CEP85L: variants seen among roughly 807,000 people sequenced by gnomAD.
CEP85L encodes the protein centrosomal protein of 85 kDa-like.
In CEP85L, 60 loss-of-function variants were observed where a neutral mutation model predicts 100.3. The ratio of observed to expected loss-of-function variants is 0.60; its 90% CI spans 0.49 to 0.74. The LOEUF (loss-of-function observed/expected upper bound fraction) is 0.74. Ranked by LOEUF, CEP85L falls within the 30% of genes least tolerant of loss-of-function variation. The pLI is 0.00. For missense variants in CEP85L, 973 were observed against 936.2 expected (o/e 1.04, Z -0.51); for synonymous variants, 319 against 322.7 (o/e 0.99, Z 0.12).
chr6:118,680,749 C>G (rs1776632056), intron 1 of CEP85L, among the ~76,000 whole-genome samples: 2 of 152,018 alleles, frequency 1.3e-5, no homozygotes, highest in African/African-American at 4.8e-5. Context: ...GTGGCACACA[C>G]CTGTGTGTCC....
intron 5 of CEP85L, chr6:118,502,153 C>T: frequency 8.7e-7 from 1 of 1,152,374 alleles, no homozygotes; most frequent in Non-Finnish European, 1.2e-6. Flanking sequence ...GAATATTCTG[C>T]AGGGGTTCAA....
intron 3 of CEP85L, among the ~76,000 whole-genome samples, chr6:118,538,910 T>C (rs1238122790): frequency 2.0e-5 from 3 of 150,160 alleles, no homozygotes; most frequent in Non-Finnish European, 3.0e-5. Flanking sequence ...ACAATAAAAA[T>C]GGAAAAAAAA....
Position 118,465,204 on chromosome 6 carries a change from G to T in CEP85L, c.*201C>A. 1 of 473,644 alleles carries T rather than the reference G, an allele frequency of 2.1e-6. No homozygotes were observed. The highest frequency in any genetic ancestry group is 4.2e-5 in the South Asian group (1 of 23,662). 29.3% of individuals were successfully genotyped at this position (473,644 alleles called of 1,614,324 possible). A position where few individuals can be genotyped will look rare whatever the true frequency, so the allele number is the denominator to read the frequency against. ...GTAGATTTTATCATATTTTCCAAAGGTAATTTGATTTTTTTTCTTTTTGCC... is the reference window on the plus strand; with the variant it reads ...GTAGATTTTATCATATTTTCCAAAGTTAATTTGATTTTTTTTCTTTTTGCC... On this transcript the variant is annotated 3_prime_UTR_variant, in exon 13 of 13. Coordinates refer to ENST00000368491, the MANE Select transcript of CEP85L (RefSeq NM_001042475.3).
chr6:118,700,233 G>A (rs1237662802), intron 1 of CEP85L, among the ~76,000 whole-genome samples: 2 of 152,232 alleles, frequency 1.3e-5, no homozygotes, highest in African/African-American at 4.8e-5. Context: ...AGAGGAAGGA[G>A]ACTGTTAGGG....
intron 2 of CEP85L, among the ~76,000 whole-genome samples, chr6:118,603,912 GC>G (rs1268579620): frequency 6.6e-6 from 1 of 152,226 alleles, no homozygotes; most frequent in African/African-American, 2.4e-5. Flanking sequence ...CCCTATTAAA[GC>G]CACAGTAGAT....
At chr6:118,614,298 T>C (rs2115245845) in intron 2 of CEP85L, among the ~76,000 whole-genome samples, 1 of 152,336 alleles carries the variant, frequency 6.6e-6, no homozygotes, top group Non-Finnish European at 1.5e-5. Context: ...AAAGACTGAA[T>C]GCTATATCTG....
chr6:118,618,031 G>A (rs1054383337), intron 2 of CEP85L, among the ~76,000 whole-genome samples: 7 of 152,154 alleles, frequency 4.6e-5, no homozygotes, highest in African/African-American at 1.7e-4. Context: ...GGAGTTGGGA[G>A]CACTGGTTTG....
intron 3 of CEP85L, among the ~76,000 whole-genome samples, chr6:118,543,017 A>G (rs1583013365): frequency 6.6e-6 from 1 of 151,844 alleles, no homozygotes; most frequent in African/African-American, 2.4e-5. Context: ...AAAGTAACTT[A>G]CAATAACCAA....
chr6:118,707,535 G>A (rs1777634238), intron 1 of CEP85L, among the ~76,000 whole-genome samples: 1 of 152,024 alleles, frequency 6.6e-6, no homozygotes. Flanking sequence ...TCTACAGTGA[G>A]GAAGCACCAA....
chr6:118,514,274 T>C (rs1474878230), intron 4 of CEP85L, among the ~76,000 whole-genome samples: 2 of 152,032 alleles, frequency 1.3e-5, no homozygotes, highest in Non-Finnish European at 1.5e-5. Context: ...TCTGTAATCC[T>C]AGCACTTTGG....
intron 1 of CEP85L, among the ~76,000 whole-genome samples, chr6:118,671,549 A>T (rs1024659558): frequency 6.6e-6 from 1 of 152,216 alleles, no homozygotes; most frequent in Non-Finnish European, 1.5e-5. Flanking sequence ...CTTACTAAGG[A>T]TCTGGCGTTT....
chr6:118,527,002 C>CTTTTTTTTTTT lies in CEP85L; in HGVS notation c.1021-3093_1021-3083dup, dbSNP rs764883723. On this transcript the variant is annotated intron_variant, in intron 3 of 12. Transcript: ENST00000368491. ...CCACTGTTTCATTCCTTTACTTTTT[C>CTTTTTTTTTTT]TTTTTTTTTTTTTTTTTTTTTTTTT... Among the ~76,000 whole-genome samples, 64 of 98,732 alleles carry CTTTTTTTTTTT rather than the reference C, an allele frequency of 6.5e-4. 2 individuals are homozygous for CTTTTTTTTTTT. Among genetic ancestry groups the CTTTTTTTTTTT allele is most frequent in the Non-Finnish European group, 8.9e-4 (47 of 53,096 alleles). 64.8% of individuals were successfully genotyped at this position (98,732 alleles called of 152,430 possible).
At chr6:118,707,413 G>C (rs1538996) in intron 1 of CEP85L, among the ~76,000 whole-genome samples, 99,499 of 151,654 alleles carry the variant, frequency 0.66, 33,342 homozygotes, top group Non-Finnish European at 0.7. Flanking sequence ...AGGATGGAAT[G>C]AAACTCCTGG....
intron 1 of CEP85L, among the ~76,000 whole-genome samples, chr6:118,700,059 C>T (rs1198021093): frequency 6.6e-6 from 1 of 152,206 alleles, no homozygotes; most frequent in Non-Finnish European, 1.5e-5. Context: ...ACTACTTGTC[C>T]TTTTCCATCA....
intron 7 of CEP85L, among the ~76,000 whole-genome samples, chr6:118,482,552 A>T (rs1773865139): frequency 6.6e-6 from 1 of 152,212 alleles, no homozygotes; most frequent in African/African-American, 2.4e-5. Context: ...GTTAAGGCGA[A>T]CAGGATTCCA....
intron 1 of CEP85L, among the ~76,000 whole-genome samples, chr6:118,679,008 G>A (rs1208290531): frequency 1.3e-5 from 2 of 152,318 alleles, no homozygotes; most frequent in East Asian, 3.9e-4. Flanking sequence ...AACTACTTGA[G>A]GTTTCCTGAA....
At chr6:118,521,228 C>G (rs1427214044) in intron 4 of CEP85L, among the ~76,000 whole-genome samples, 1 of 152,136 alleles carries the variant, frequency 6.6e-6, no homozygotes. Flanking sequence ...CATGTGCCAT[C>G]AACATTTTAA....
At chr6:118,520,396 G>A (rs570180186) in intron 4 of CEP85L, among the ~76,000 whole-genome samples, 27 of 152,150 alleles carry the variant, frequency 1.8e-4, no homozygotes, top group African/African-American at 5.8e-4. Context: ...ATTTAAGAAC[G>A]TTTTGAAAAT....
chr6:118,569,639 C>T (rs1779767686), intron 2 of CEP85L, among the ~76,000 whole-genome samples: 1 of 151,716 alleles, frequency 6.6e-6, no homozygotes, highest in Admixed American at 6.6e-5. Flanking sequence ...TAAATCAAAA[C>T]ACATAAAATA....
Sources: allele counts gnomAD v4.1 joint callset (sites outside exome capture counted in the v4.1 genomes callset), GRCh38; gene constraint gnomAD v4.1.1; transcripts MANE v1.5; gene names NCBI Gene and HGNC (gene_info 2026-07-23, HGNC 2026-07-21).